The following FSTL5 variants were observed in gnomAD, a reference collection of about 807,000 sequenced individuals.
The protein encoded by FSTL5 is follistatin-related protein 5.
A neutral mutation model predicts 89.1 loss-of-function variants in FSTL5; 62 were observed. The observed-to-expected ratio is 0.70, with a 90% CI of 0.57 to 0.86. The LOEUF (loss-of-function observed/expected upper bound fraction) is 0.86, where lower values mean the gene tolerates loss of function less well. FSTL5 is among the 40% of genes least tolerant of loss of function. The probability of loss-of-function intolerance (pLI) is 0.00; values close to 1 mark genes in which losing one functional copy is unlikely to be tolerated. For missense variants in FSTL5, 1,057 were observed against 1,001.6 expected (o/e 1.06, Z -0.75); for synonymous variants, 383 against 346.2 (o/e 1.11, Z -1.18).
At chr4:161,779,760 TA>T (rs1560840626) in intron 4 of FSTL5, among the ~76,000 whole-genome samples, 6 of 16,054 alleles carry the variant, frequency 3.7e-4, no homozygotes, top group African/African-American at 1.2e-3. Context: ...TTTGTAAAGT[TA>T]TATATATATA....
At chr4:161,501,125 T>C (rs1158850704) in intron 11 of FSTL5, among the ~76,000 whole-genome samples, 2 of 152,180 alleles carry the variant, frequency 1.3e-5, no homozygotes, top group African/African-American at 4.8e-5. Context: ...AGCAATAATA[T>C]TAAAATCTTG....
chr4:161,585,460 C>A (rs1733577257), intron 8 of FSTL5, among the ~76,000 whole-genome samples: 1 of 151,858 alleles, frequency 6.6e-6, no homozygotes, highest in South Asian at 2.1e-4. Context: ...AGAACATGCA[C>A]CATACACTCT....
chr4:162,062,351 T>C (rs1370029201), intron 2 of FSTL5, among the ~76,000 whole-genome samples: 1 of 151,962 alleles, frequency 6.6e-6, no homozygotes, highest in African/African-American at 2.4e-5. Flanking sequence ...TTCCTAACAT[T>C]GTGTACTTGT....
intron 15 of FSTL5, among the ~76,000 whole-genome samples, chr4:161,404,655 C>A: frequency 6.7e-6 from 1 of 149,054 alleles, no homozygotes; most frequent in African/African-American, 2.5e-5. Context: ...ATTTAAATGA[C>A]AGTACGTAAC....
At chr4:161,435,889 C>T (rs899047282) in intron 15 of FSTL5, among the ~76,000 whole-genome samples, 6 of 151,954 alleles carry the variant, frequency 3.9e-5, no homozygotes, top group African/African-American at 1.4e-4. Flanking sequence ...AACTGGACTT[C>T]CCCCCAAAGA....
chr4:161,785,365 C>T (rs1348938643), intron 4 of FSTL5, among the ~76,000 whole-genome samples: 1 of 151,954 alleles, frequency 6.6e-6, no homozygotes, highest in African/African-American at 2.4e-5. Context: ...AATAATAAAT[C>T]ATATTTCCCC....
rs72989110 is a variant in FSTL5, at chr4:161,418,999, A to G, written c.1842-32550T>C. ...GTAGTCTCTAACACAGAGCTTTAAT[A>G]TAAGAGTCACTCATCATCTCATGCA... On this transcript the variant is annotated intron_variant, in intron 15 of 15. Coordinates refer to ENST00000306100, the MANE Select transcript of FSTL5 (RefSeq NM_020116.5). Among the ~76,000 whole-genome samples the G allele has an allele frequency of 7.0e-3, 1,062 of 152,318 alleles. 11 individuals are homozygous for G. The highest frequency in any genetic ancestry group is 0.024 in the African/African-American group (980 of 41,564).
intron 6 of FSTL5, among the ~76,000 whole-genome samples, chr4:161,746,078 A>G (rs1740192119): frequency 6.6e-6 from 1 of 152,088 alleles, no homozygotes; most frequent in East Asian, 1.9e-4. Flanking sequence ...AATCTATCCC[A>G]TCACATATAT....
chr4:161,576,116 C>T lies in FSTL5; in HGVS notation c.1015+11339G>A, dbSNP rs187754897. 1.6e-3 allele frequency among the ~76,000 whole-genome samples: 244 copies of T among 151,982 alleles called. 2 individuals are homozygous for T. The highest frequency in any genetic ancestry group is 5.5e-3 in the African/African-American group (230 of 41,488). ...ACCTAGGAATACAACATACAAGGGA[C>T]GTGAAGGACCTCTTCAAGGAGAACT... is the stretch of plus-strand genomic sequence containing the variant. On this transcript the variant is annotated intron_variant, in intron 8 of 15. Coordinates refer to ENST00000306100, the MANE Select transcript of FSTL5 (RefSeq NM_020116.5).
At chr4:161,980,289 G>A (rs200839295) in intron 3 of FSTL5, among the ~76,000 whole-genome samples, 2 of 123,842 alleles carry the variant, frequency 1.6e-5, no homozygotes, top group East Asian at 2.4e-4. Flanking sequence ...AAGAAAGAAA[G>A]AGAAAGAAAG....
chr4:161,588,511 A>T (rs1011300370), intron 7 of FSTL5, among the ~76,000 whole-genome samples: 1 of 152,198 alleles, frequency 6.6e-6, no homozygotes, highest in African/African-American at 2.4e-5. Flanking sequence ...GAAGAAAAAA[A>T]CTTGCACCGT....
At chr4:161,427,721 G>A (rs559600906) in intron 15 of FSTL5, among the ~76,000 whole-genome samples, 7 of 152,190 alleles carry the variant, frequency 4.6e-5, no homozygotes, top group South Asian at 2.1e-4. Flanking sequence ...TAAATGATAC[G>A]TAAAGACAAT....
chr4:161,694,842 CTTT>C (rs34276732), intron 6 of FSTL5, among the ~76,000 whole-genome samples: 20 of 106,196 alleles, frequency 1.9e-4, no homozygotes, highest in South Asian at 1.7e-3. Context: ...TTCTAAATGC[CTTT>C]TTTTTTTTTT....
chr4:161,509,050 C>A lies in FSTL5; in HGVS notation c.1339+1348G>T, dbSNP rs1244810703. On this transcript the variant is annotated intron_variant, in intron 11 of 15. Transcript: ENST00000306100. ...TGATAGATATTATCACTCTTGTAAT[C>A]CCAGTACTTTGGGAGGCTGAGGCGG... Among the ~76,000 whole-genome samples, 6 of 152,166 alleles carry A rather than the reference C, an allele frequency of 3.9e-5. No homozygotes were observed. In the South Asian group the frequency reaches 1.2e-3, roughly 32 times the overall value.
chr4:161,461,069 C>A (rs1448591630), intron 13 of FSTL5, among the ~76,000 whole-genome samples: 2 of 151,096 alleles, frequency 1.3e-5, no homozygotes, highest in Admixed American at 6.6e-5. Flanking sequence ...TTCCTTCCAC[C>A]ACATGTTCTC....
intron 7 of FSTL5, among the ~76,000 whole-genome samples, chr4:161,598,915 T>G (rs957514883): frequency 2.0e-5 from 3 of 152,124 alleles, no homozygotes; most frequent in Non-Finnish European, 4.4e-5. Flanking sequence ...CTTTATAATC[T>G]CAGGAATTTG....
chr4:161,513,267 G>GC (rs1560931990), intron 10 of FSTL5, among the ~76,000 whole-genome samples: 16 of 97,202 alleles, frequency 1.6e-4, no homozygotes, highest in African/African-American at 6.3e-4. Context: ...ACCAAACAAG[G>GC]AGGGGGAGAG....
chr4:161,487,573 T>C (rs72683726), intron 12 of FSTL5, among the ~76,000 whole-genome samples: 31,002 of 152,048 alleles, frequency 0.2, 3,978 homozygotes, highest in Non-Finnish European at 0.29. Flanking sequence ...TAGTGAAAAC[T>C]ACCTACTGGT....
intron 7 of FSTL5, among the ~76,000 whole-genome samples, chr4:161,588,382 A>G (rs10026357): frequency 0.79 from 120,027 of 151,874 alleles, 47,786 homozygotes; most frequent in East Asian, 0.93. Context: ...ATTTATAGCC[A>G]TAACATAGAA....
Sources: gnomAD v4.1 joint callset for allele counts (sites outside exome capture counted in the v4.1 genomes callset) on GRCh38, gnomAD v4.1.1 for gene constraint, MANE v1.5 for transcripts, NCBI Gene and HGNC (gene_info 2026-07-23, HGNC 2026-07-21) for gene names.